Variants in DPF3 observed in about 807,000 individuals in gnomAD.
The protein encoded by DPF3 is double PHD fingers 3.
Under a neutral mutation model 56.8 loss-of-function variants are expected in DPF3, and 18 were observed. The observed-to-expected ratio is 0.32, with a 90% CI of 0.22 to 0.47. DPF3 has a LOEUF of 0.47. Ranked by LOEUF, DPF3 falls within the 20% of genes least tolerant of loss-of-function variation. The pLI is 1.00. For missense variants in DPF3, 403 were observed against 488.8 expected, an observed-to-expected ratio of 0.82 and a Z score of 1.65; for synonymous variants, 188 against 180.2, an observed-to-expected ratio of 1.04 and a Z score of -0.35.
At chr14:72,848,164 T>A (rs1362471385) in intron 1 of DPF3, among the ~76,000 whole-genome samples, 1 of 152,016 alleles carries the variant, frequency 6.6e-6, no homozygotes, top group Non-Finnish European at 1.5e-5. Flanking sequence ...TAATTTTTTT[T>A]ATTTTTTTTT....
chr14:72,622,315 T>G (rs1884504229), intron 9 of DPF3, among the ~76,000 whole-genome samples: 2 of 152,018 alleles, frequency 1.3e-5, no homozygotes, highest in Admixed American at 1.3e-4. Context: ...AAAAAAAGAC[T>G]GAAAAGGAAC....
intron 8 of DPF3, among the ~76,000 whole-genome samples, chr14:72,642,685 G>T (rs1272091359): frequency 6.6e-6 from 1 of 152,092 alleles, no homozygotes; most frequent in African/African-American, 2.4e-5. Flanking sequence ...TTCCCCTCAG[G>T]CCTTGCCCTC....
At chr14:72,743,027 C>T (rs775098913) in intron 3 of DPF3, among the ~76,000 whole-genome samples, 6 of 152,220 alleles carry the variant, frequency 3.9e-5, no homozygotes, top group Non-Finnish European at 7.3e-5. Context: ...CTTCGGGGTG[C>T]ATGCCCTCTT....
intron 7 of DPF3, among the ~76,000 whole-genome samples, chr14:72,680,434 G>A (rs1442498018): frequency 6.6e-6 from 1 of 152,232 alleles, no homozygotes; most frequent in Non-Finnish European, 1.5e-5. Flanking sequence ...AGGGGGCCTG[G>A]AAGCCTGGCG....
intron 8 of DPF3, among the ~76,000 whole-genome samples, chr14:72,668,912 T>C (rs937713676): frequency 6.6e-6 from 1 of 152,198 alleles, no homozygotes; most frequent in African/African-American, 2.4e-5. Context: ...TGTATCCCCG[T>C]AGCAGAAACC....
At chr14:72,771,231 T>G (rs1353519997) in intron 2 of DPF3, among the ~76,000 whole-genome samples, 3 of 152,142 alleles carry the variant, frequency 2.0e-5, no homozygotes, top group Admixed American at 6.5e-5. Context: ...ACTTGCTATG[T>G]GCTAAACTCA....
chr14:72,834,962 T>C (rs952790790), intron 1 of DPF3, among the ~76,000 whole-genome samples: 2 of 146,066 alleles, frequency 1.4e-5, no homozygotes, highest in African/African-American at 2.6e-5. Flanking sequence ...CCACATGTGT[T>C]ATATGATTTC....
intron 1 of DPF3, among the ~76,000 whole-genome samples, chr14:72,803,516 T>A (rs530278403): frequency 2.6e-5 from 4 of 152,350 alleles, no homozygotes; most frequent in Non-Finnish European, 5.9e-5. Flanking sequence ...AACCTAGTTC[T>A]GATTTTTAGA....
In DPF3 at chr14:72,656,047, G is replaced by GTAAC. The variant is rs370569002; in HGVS notation, c.871+18189_871+18192dup. On this transcript the variant is annotated intron_variant, in intron 8 of 10. Transcript: ENST00000556509. ...CTCCTGTGCTCCCTGGAGACCAAAT[G>GTAAC]TAACTGGTCAGTGCCTTTATCTCAG... 6.2e-3 allele frequency among the ~76,000 whole-genome samples: 942 copies of GTAAC among 152,324 alleles called. 18 individuals are homozygous for GTAAC. Among genetic ancestry groups the GTAAC allele is most frequent in the African/African-American group, 0.022 (910 of 41,564 alleles).
intron 1 of DPF3, among the ~76,000 whole-genome samples, chr14:72,832,182 A>C (rs1884088389): frequency 6.6e-6 from 1 of 152,196 alleles, no homozygotes; most frequent in South Asian, 2.1e-4. Context: ...GCACTACTGC[A>C]CTCTAGCCTG....
intron 1 of DPF3, among the ~76,000 whole-genome samples, chr14:72,877,749 AT>A (rs1686745066): frequency 6.6e-6 from 1 of 152,288 alleles, no homozygotes; most frequent in African/African-American, 2.4e-5. Flanking sequence ...CCTAAATCTC[AT>A]AAAACTATAG....
chr14:72,671,475 G>T, intron 8 of DPF3: 1 of 1,240,800 alleles, frequency 8.1e-7, no homozygotes, highest in Non-Finnish European at 1.2e-6. Context: ...TTAACCCGGT[G>T]CATCACCTGG....
intron 2 of DPF3, among the ~76,000 whole-genome samples, chr14:72,767,704 G>A (rs908459706): frequency 1.4e-5 from 2 of 147,590 alleles, no homozygotes; most frequent in African/African-American, 5.0e-5. Context: ...AGGGGAAAGA[G>A]GGTTGAACTG....
intron 8 of DPF3, chr14:72,671,037 TA>T (rs1886650026): frequency 8.6e-6 from 13 of 1,506,434 alleles, no homozygotes; most frequent in Non-Finnish European, 1.2e-5. Context: ...AGGGAAAATC[TA>T]AAGTTGCCTT....
chr14:72,682,499 T>C (rs1437908153), intron 7 of DPF3, among the ~76,000 whole-genome samples: 3 of 152,202 alleles, frequency 2.0e-5, no homozygotes, highest in Admixed American at 6.5e-5. Flanking sequence ...TGGATGAGTT[T>C]TGTCTGTTTA....
chr14:72,672,758 A>G (rs78067853), intron 8 of DPF3, among the ~76,000 whole-genome samples: 1 of 152,186 alleles, frequency 6.6e-6, no homozygotes. Context: ...GCAGTTTGCA[A>G]TGAGAATTCT....
At chr14:72,861,785 A>T (rs1885440567) in intron 1 of DPF3, among the ~76,000 whole-genome samples, 1 of 150,438 alleles carries the variant, frequency 6.6e-6, no homozygotes, top group African/African-American at 2.5e-5. Context: ...GAAAGAAAGA[A>T]AGAAAGAAAG....
At chr14:72,806,129 A>G (rs1271298798) in intron 1 of DPF3, 1 of 152,154 alleles carries the variant, frequency 6.6e-6, no homozygotes, top group East Asian at 1.9e-4. Context: ...AGCAATGTCT[A>G]ACTCCATTCC....
chr14:72,824,950 C>T (rs1359569799), intron 1 of DPF3, among the ~76,000 whole-genome samples: 1 of 152,010 alleles, frequency 6.6e-6, no homozygotes, highest in Non-Finnish European at 1.5e-5. Flanking sequence ...TGCAGTGGCT[C>T]AATCTTGGCT....
Sources: allele counts gnomAD v4.1 joint callset (sites outside exome capture counted in the v4.1 genomes callset), GRCh38; gene constraint gnomAD v4.1.1; transcripts MANE v1.5; gene names NCBI Gene and HGNC (gene_info 2026-07-23, HGNC 2026-07-21).